NECTIN3: variants seen among roughly 807,000 people sequenced by gnomAD.
NECTIN3 encodes the protein nectin-3.
In NECTIN3, 8 loss-of-function variants were observed where a neutral mutation model predicts 49.4. That is an observed-to-expected ratio of 0.16 (90% CI 0.10 to 0.29). The LOEUF is 0.29. Among genes scored for constraint, NECTIN3 ranks in the 10% least tolerant of loss-of-function variants. The pLI is 1.00. For synonymous variants in NECTIN3, 277 were observed against 241.1 expected (o/e 1.15, Z -1.38); for missense variants, 581 against 654.6 (o/e 0.89, Z 1.23).
In NECTIN3 at chr3:111,135,362, C is replaced by T. The variant is rs974661552; in HGVS notation, c.*1147C>T. The T allele has an allele frequency of 1.0e-4, 96 of 937,548 alleles. No individual in the cohort carries two copies. The highest frequency in any genetic ancestry group is 5.4e-4 in the Middle Eastern group (1 of 1,846). 58.1% of individuals were successfully genotyped at this position (937,548 alleles called of 1,614,324 possible). A position where few individuals can be genotyped will look rare whatever the true frequency, so the allele number is the denominator to read the frequency against. Reference sequence around the variant, plus strand: ...ATGTGTTTTAAGATTTCTGTTTTTACGATTAAAACTGGAAACATGAGGTTT... The same window carrying T: ...ATGTGTTTTAAGATTTCTGTTTTTATGATTAAAACTGGAAACATGAGGTTT... On this transcript the variant is annotated 3_prime_UTR_variant, in exon 6 of 6. Transcript: ENST00000485303.
intron 1 of NECTIN3, among the ~76,000 whole-genome samples, chr3:111,104,726 T>A (rs1158076423): frequency 6.6e-6 from 1 of 152,210 alleles, no homozygotes; most frequent in Non-Finnish European, 1.5e-5. Context: ...GATGCATGTT[T>A]TACAAGGATT....
At chr3:111,097,129 T>C (rs1341279242) in intron 1 of NECTIN3, among the ~76,000 whole-genome samples, 1 of 152,168 alleles carries the variant, frequency 6.6e-6, no homozygotes, top group African/African-American at 2.4e-5. Context: ...CCCAAGACCA[T>C]GGGAACCCAT....
At chr3:111,102,801 A>G (rs2032978871) in intron 1 of NECTIN3, among the ~76,000 whole-genome samples, 1 of 148,978 alleles carries the variant, frequency 6.7e-6, no homozygotes, top group South Asian at 2.1e-4. Context: ...TAGGTTGATT[A>G]TCTATTTCAA....
At chr3:111,089,497 T>C (rs954142109) in intron 1 of NECTIN3, among the ~76,000 whole-genome samples, 2 of 152,022 alleles carry the variant, frequency 1.3e-5, no homozygotes, top group Non-Finnish European at 2.9e-5. Flanking sequence ...TGACTTTGAC[T>C]GCATCCCATG....
At chr3:111,073,202 C>T (rs1294157302) in intron 1 of NECTIN3, among the ~76,000 whole-genome samples, 2 of 152,048 alleles carry the variant, frequency 1.3e-5, no homozygotes, top group African/African-American at 4.8e-5. Context: ...AGTAGAGGGG[C>T]AGAACTTAAG....
intron 7 of NECTIN3, among the ~76,000 whole-genome samples, chr3:111,184,854 T>C (rs561147230): frequency 2.6e-5 from 4 of 152,312 alleles, no homozygotes; most frequent in Non-Finnish European, 5.9e-5. Context: ...GAAGTTTGTT[T>C]TTAAGTTTTG....
At position 111,134,566 on chromosome 3, in the gene NECTIN3, A is replaced by G. The variant is rs547412319; in HGVS notation, c.*351A>G. 1.7e-5 allele frequency: 16 copies of G among 962,460 alleles called. No individual in the cohort carries two copies. In the African/African-American group the frequency reaches 2.6e-4, roughly 16 times the overall value. The allele number at this position is 962,460 out of a possible 1,614,324, so 59.6% of individuals were successfully genotyped here. A position where few individuals can be genotyped will look rare whatever the true frequency, so the allele number is the denominator to read the frequency against. ...GAACTACCTTGACATTGTGTATTAA[A>G]TGTTTACCTAAGACTATAATCTCAA... is the stretch of plus-strand genomic sequence containing the variant. On this transcript the variant is annotated 3_prime_UTR_variant, in exon 6 of 6. Transcript: ENST00000485303.
chr3:111,103,471 T>A (rs893839336), intron 1 of NECTIN3, among the ~76,000 whole-genome samples: 14 of 151,830 alleles, frequency 9.2e-5, no homozygotes, highest in African/African-American at 3.4e-4. Context: ...TTTTTTTAAA[T>A]TAACTTTGTA....
chr3:111,175,729 G>C (rs1376848586), intron 7 of NECTIN3, among the ~76,000 whole-genome samples: 1 of 152,052 alleles, frequency 6.6e-6, no homozygotes, highest in Admixed American at 6.6e-5. Context: ...AACTTCCTGG[G>C]ACCGAGGGAA....
At chr3:111,100,401 C>G (rs1401446538) in intron 1 of NECTIN3, among the ~76,000 whole-genome samples, 1 of 152,092 alleles carries the variant, frequency 6.6e-6, no homozygotes, top group African/African-American at 2.4e-5. Context: ...CACAAACTTG[C>G]TTTCATGCAC....
intron 1 of NECTIN3, among the ~76,000 whole-genome samples, chr3:111,108,334 G>T (rs2033300773): frequency 6.6e-6 from 1 of 151,148 alleles, no homozygotes; most frequent in Non-Finnish European, 1.5e-5. Flanking sequence ...CTGTCATGCT[G>T]AGAGAGAGGC....
At chr3:111,165,299 T>C (rs899009796) in intron 7 of NECTIN3, among the ~76,000 whole-genome samples, 5 of 152,136 alleles carry the variant, frequency 3.3e-5, no homozygotes, top group Non-Finnish European at 7.4e-5. Context: ...CACCTCGGCC[T>C]CCCAAAGTGC....
At chr3:111,096,430 C>G (rs1351866724) in intron 1 of NECTIN3, among the ~76,000 whole-genome samples, 1 of 152,220 alleles carries the variant, frequency 6.6e-6, no homozygotes, top group Non-Finnish European at 1.5e-5. Context: ...AAAGAAAATC[C>G]CATTTTCTGA....
intron 1 of NECTIN3, among the ~76,000 whole-genome samples, chr3:111,109,388 T>G (rs2033359136): frequency 6.6e-6 from 1 of 152,186 alleles, no homozygotes; most frequent in South Asian, 2.1e-4. Context: ...TCTTTGGTCC[T>G]CAGTAATGTT....
intron 7 of NECTIN3, among the ~76,000 whole-genome samples, chr3:111,148,302 T>G (rs939768480): frequency 1.1e-4 from 17 of 152,198 alleles, no homozygotes; most frequent in African/African-American, 4.1e-4. Flanking sequence ...GCTTTTGTTC[T>G]TCAGCTGACC....
intron 2 of NECTIN3, among the ~76,000 whole-genome samples, chr3:111,117,582 A>G (rs2033741862): frequency 6.6e-6 from 1 of 152,146 alleles, no homozygotes; most frequent in South Asian, 2.1e-4. Flanking sequence ...AATCATATCC[A>G]TGAGAGTAAA....
chr3:111,100,482 A>G (rs929313396), intron 1 of NECTIN3, among the ~76,000 whole-genome samples: 1 of 152,124 alleles, frequency 6.6e-6, no homozygotes, highest in African/African-American at 2.4e-5. Context: ...AACATAAATG[A>G]ATTTTGTGTT....
intron 1 of NECTIN3, among the ~76,000 whole-genome samples, chr3:111,192,622 C>G (rs919697087): frequency 2.0e-5 from 3 of 152,128 alleles, no homozygotes; most frequent in Admixed American, 6.5e-5. Flanking sequence ...GTCCCAGAGA[C>G]ACCACAGAAC....
chr3:111,160,449 A>G (rs776331891), intron 7 of NECTIN3, among the ~76,000 whole-genome samples: 25 of 152,208 alleles, frequency 1.6e-4, no homozygotes, highest in Non-Finnish European at 3.2e-4. Flanking sequence ...TGGGAAACCA[A>G]AGTGATAAGA....
Sources: gnomAD v4.1 joint callset for allele counts (sites outside exome capture counted in the v4.1 genomes callset) on GRCh38, gnomAD v4.1.1 for gene constraint, MANE v1.5 for transcripts, NCBI Gene and HGNC (gene_info 2026-07-23, HGNC 2026-07-21) for gene names.